Variants in NRXN3 observed in about 807,000 individuals in gnomAD.
NRXN3 encodes the protein neurexin III.
In NRXN3, 32 loss-of-function variants were observed where a neutral mutation model predicts 137.6. The ratio of observed to expected loss-of-function variants is 0.23; its 90% CI spans 0.18 to 0.31. The LOEUF (loss-of-function observed/expected upper bound fraction) is 0.31. Ranked by LOEUF, NRXN3 falls within the 10% of genes least tolerant of loss-of-function variation. The pLI is 1.00. For synonymous variants in NRXN3, 798 were observed against 784.5 expected (o/e 1.02, Z -0.29); for missense variants, 1,574 against 2,062.5 (o/e 0.76, Z 4.59).
chr14:78,491,258 C>G (rs1338803936), intron 4 of NRXN3, among the ~76,000 whole-genome samples: 1 of 152,016 alleles, frequency 6.6e-6, no homozygotes, highest in African/African-American at 2.4e-5. Flanking sequence ...GCATTGTGCC[C>G]TTCATTTTCC....
chr14:78,566,382 T>C (rs1389221056), intron 4 of NRXN3, among the ~76,000 whole-genome samples: 1 of 105,314 alleles, frequency 9.5e-6, no homozygotes, highest in African/African-American at 6.4e-5. Context: ...AAATGTTGGT[T>C]TTTTTTTTTT....
In NRXN3 at chr14:79,692,411, G is replaced by T. The variant is rs1270434650; in HGVS notation, c.3706+149G>T. On this transcript the variant is annotated intron_variant, in intron 18 of 20. Transcript: ENST00000335750. ...TTATAATTTGTGTCAGCTTCCACCT[G>T]CCATATGTTGATAAATCATGCTATA... 3 of 666,106 alleles carry T rather than the reference G, an allele frequency of 4.5e-6. No individual in the cohort carries two copies. In the Admixed American group the frequency reaches 9.0e-5, roughly 20 times the overall value. 41.3% of individuals were successfully genotyped at this position (666,106 alleles called of 1,614,324 possible). A position where few individuals can be genotyped will look rare whatever the true frequency, so the allele number is the denominator to read the frequency against.
At chr14:79,190,551 A>G (rs2064150932) in intron 15 of NRXN3, among the ~76,000 whole-genome samples, 1 of 152,120 alleles carries the variant, frequency 6.6e-6, no homozygotes, top group African/African-American at 2.4e-5. Flanking sequence ...GGCTATGTTC[A>G]GTTGCCCCGG....
chr14:78,793,275 A>G (rs746793902), intron 8 of NRXN3, among the ~76,000 whole-genome samples: 26 of 152,188 alleles, frequency 1.7e-4, no homozygotes, highest in Admixed American at 3.3e-4. Flanking sequence ...TTAAAAGAAA[A>G]TAAAGTTACT....
chr14:78,756,281 A>G (rs2098667888), intron 8 of NRXN3, among the ~76,000 whole-genome samples: 1 of 152,166 alleles, frequency 6.6e-6, no homozygotes, highest in Non-Finnish European at 1.5e-5. Flanking sequence ...TGAGGTCAAG[A>G]GTTTGAGACT....
chr14:78,201,852 GATGACGCGC>G (rs1002307494), intron 1 of NRXN3, among the ~76,000 whole-genome samples: 4 of 152,160 alleles, frequency 2.6e-5, no homozygotes, highest in Non-Finnish European at 4.4e-5. Context: ...CATCTTCTCC[GATGACGCGC>G]GTCTGAAGTG....
chr14:79,129,210 C>T (rs1005067184), intron 15 of NRXN3, among the ~76,000 whole-genome samples: 5 of 151,162 alleles, frequency 3.3e-5, no homozygotes, highest in Non-Finnish European at 5.9e-5. Context: ...TATTTCTTGC[C>T]TTCTTCTAGC....
At chr14:78,910,471 T>G (rs2099233955) in intron 10 of NRXN3, among the ~76,000 whole-genome samples, 1 of 152,142 alleles carries the variant, frequency 6.6e-6, no homozygotes, top group African/African-American at 2.4e-5. Flanking sequence ...AAATCATGAC[T>G]ATTTGTTATC....
At chr14:78,617,796 G>A (rs1019215771) in intron 4 of NRXN3, among the ~76,000 whole-genome samples, 6 of 151,910 alleles carry the variant, frequency 3.9e-5, no homozygotes, top group African/African-American at 9.7e-5. Context: ...TACAAAGTAT[G>A]TGTACATATC....
intron 8 of NRXN3, among the ~76,000 whole-genome samples, chr14:78,728,496 G>T (rs1019698222): frequency 6.6e-6 from 1 of 152,156 alleles, no homozygotes; most frequent in Middle Eastern, 3.2e-3. Flanking sequence ...TCACACATAA[G>T]GGAGTATAAA....
In NRXN3 at chr14:79,150,979, G is replaced by T. The variant is rs547995407; in HGVS notation, c.3262+162838G>T. On this transcript the variant is annotated intron_variant, in intron 15 of 20. Transcript: ENST00000335750. ...AAATTAAATGGAACTAGTTTTCGAGGGTCTTCTTGTCTCCATGAAAAGAGA... is the reference window on the plus strand; with the variant it reads ...AAATTAAATGGAACTAGTTTTCGAGTGTCTTCTTGTCTCCATGAAAAGAGA... 1.2e-4 allele frequency among the ~76,000 whole-genome samples: 18 copies of T among 152,026 alleles called. No individual in the cohort carries two copies. In the East Asian group the frequency reaches 3.1e-3, roughly 26 times the overall value.
intron 16 of NRXN3, among the ~76,000 whole-genome samples, chr14:79,489,336 G>C (rs2096689083): frequency 6.6e-6 from 1 of 152,102 alleles, no homozygotes; most frequent in African/African-American, 2.4e-5. Flanking sequence ...CATAGAGGAG[G>C]TGATTCTCCG....
intron 1 of NRXN3, among the ~76,000 whole-genome samples, chr14:78,225,988 TG>T (rs1567013986): frequency 4.8e-5 from 7 of 144,822 alleles, no homozygotes; most frequent in African/African-American, 1.6e-4. Flanking sequence ...TGTGTGTGTG[TG>T]TGTGTGTGTG....
chr14:79,673,625 T>G (rs1353461057), intron 17 of NRXN3, among the ~76,000 whole-genome samples: 1 of 152,076 alleles, frequency 6.6e-6, no homozygotes. Context: ...TTTATGCACT[T>G]ATTCATTCAC....
chr14:79,004,440 C>T (rs1007894816), intron 15 of NRXN3, among the ~76,000 whole-genome samples: 1 of 152,164 alleles, frequency 6.6e-6, no homozygotes, highest in Non-Finnish European at 1.5e-5. Context: ...AGATGAGTTT[C>T]ACCATATTGC....
rs559153643 is a variant in NRXN3 at position 78,858,343 on chromosome 14, T to C, written c.2275+47999T>C. 2.6e-5 allele frequency among the ~76,000 whole-genome samples: 4 copies of C among 152,182 alleles called. No homozygotes were observed. In the South Asian group the frequency reaches 6.2e-4, roughly 24 times the overall value. On this transcript the variant is annotated intron_variant, in intron 10 of 20. Transcript: ENST00000335750. ...TATACCATTGAATTATTGCCCGTGA[T>C]TGGGTGTGGAAATGGAGAGCTTTGT...
At position 78,261,918 on chromosome 14, in the gene NRXN3, T is replaced by C. The variant is rs377695079; in HGVS notation, c.710-16727T>C. ...GCACAATCAGGGGTGATCAAAACAG[T>C]TATGGCGCCTGTCTGCAATGAACTT... On this transcript the variant is annotated intron_variant, in intron 2 of 20. Transcript: ENST00000335750. 1.5e-4 allele frequency among the ~76,000 whole-genome samples: 23 copies of C among 152,346 alleles called. No individual in the cohort carries two copies. In the East Asian group the frequency reaches 3.1e-3, roughly 20 times the overall value.
intron 20 of NRXN3, among the ~76,000 whole-genome samples, chr14:79,806,833 G>A (rs1281483839): frequency 6.7e-6 from 1 of 148,432 alleles, no homozygotes; most frequent in Non-Finnish European, 1.5e-5. Context: ...TGTTAAGCAT[G>A]TGCTAGATAT....
chr14:79,587,998 CTAGGTGACTTA>C (rs2097775224), intron 16 of NRXN3, among the ~76,000 whole-genome samples: 1 of 152,186 alleles, frequency 6.6e-6, no homozygotes, highest in South Asian at 2.1e-4. Flanking sequence ...ATATATGTAG[CTAGGTGACTTA>C]TAGTCACCTC....
Sources: allele counts gnomAD v4.1 joint callset (sites outside exome capture counted in the v4.1 genomes callset), GRCh38; gene constraint gnomAD v4.1.1; transcripts MANE v1.5; gene names NCBI Gene and HGNC (gene_info 2026-07-23, HGNC 2026-07-21).